ZDBF2: variants seen among roughly 807,000 people sequenced by gnomAD.
ZDBF2 encodes the protein DBF4-type zinc finger-containing protein 2.
A neutral mutation model predicts 9.4 loss-of-function variants in ZDBF2; 6 were observed. That is an observed-to-expected ratio of 0.64 (90% CI 0.35 to 1.27). The LOEUF is 1.27. Ranked by LOEUF, ZDBF2 falls within the 50% of genes most tolerant of loss-of-function variation. ZDBF2 has a pLI of 0.03. For synonymous variants in ZDBF2, 905 were observed against 946.3 expected, an observed-to-expected ratio of 0.96 and a Z score of 0.80; for missense variants, 2,697 against 2,766.8, an observed-to-expected ratio of 0.97 and a Z score of 0.57.
At chr2:206,296,137 G>T (rs1371782168) in intron 3 of ZDBF2, among the ~76,000 whole-genome samples, 1 of 152,160 alleles carries the variant, frequency 6.6e-6, no homozygotes, top group African/African-American at 2.4e-5. Flanking sequence ...GTACTAGTAA[G>T]GTTTGGTGTA....
Position 206,310,301 on chromosome 2 carries a change from A to G in ZDBF2, c.5773A>G (p.Arg1925Gly), listed in dbSNP as rs1036118131. ...ATGCCATCGTCATCCTCCAGCAGAG[A>G]GGCCTCCTAAGCAAAAGGGGCGTGT... ...KPCHRHPPAERPPKQKGRVAS... is the reference protein window; with the variant it reads ...KPCHRHPPAEGPPKQKGRVAS... The change falls in exon 5 of 5, where the codon AGG (arginine) becomes GGG (glycine). Residue 1925 changes from arginine (R) to glycine (G), a missense_variant. By Grantham distance (125) the Arg-to-Gly change is moderately radical. Around this residue, in one of 3 missense-constraint regions of ZDBF2, gnomAD observed 1,783 missense variants for 1,776.5 expected, o/e 1.00. Transcript: ENST00000374423. 1.2e-6 allele frequency: 2 copies of G among 1,613,850 alleles called. No homozygotes were observed. The highest frequency in any genetic ancestry group is 2.2e-5 in the East Asian group (1 of 44,884).
At chr2:206,279,148 T>C (rs1047143582) in intron 1 of ZDBF2, among the ~76,000 whole-genome samples, 2 of 152,258 alleles carry the variant, frequency 1.3e-5, no homozygotes, top group African/African-American at 4.8e-5. Context: ...GAATTGACAG[T>C]ATTTTTCATT....
At position 206,309,558 on chromosome 2, in the gene ZDBF2, C is replaced by A. The variant is rs760415734; in HGVS notation, c.5030C>A (p.Thr1677Asn). The change falls in exon 5 of 5, where the codon ACT (threonine) becomes AAT (asparagine). Residue 1677 changes from threonine (T) to asparagine (N), a missense_variant. Physicochemically the swap from Thr to Asn is moderately conservative, Grantham distance 65. Around this residue, in one of 3 missense-constraint regions of ZDBF2, gnomAD observed 1,783 missense variants for 1,776.5 expected, o/e 1.00. Coordinates refer to ENST00000374423, the MANE Select transcript of ZDBF2 (RefSeq NM_020923.3). ...FNLEDTSHRTTHRLQKAHKEA... is the reference protein window; with the variant it reads ...FNLEDTSHRTNHRLQKAHKEA... The stretch of plus-strand genomic sequence containing the variant: ...TTGGAAGACACTTCTCATCGAACGA[C>A]TCACCGACTGCAGAAAGCTCACAAA... 48 of 1,613,848 alleles carry A rather than the reference C, an allele frequency of 3.0e-5. No individual in the cohort carries two copies. In the East Asian group the frequency reaches 1.0e-3, roughly 34 times the overall value.
Position 206,309,388 on chromosome 2 carries a change from T to G in ZDBF2, c.4860T>G (p.Ser1620=), listed in dbSNP as rs981766024. Reference sequence around the variant, plus strand: ...TTCTGGGAGAGCCAAGTTGTCAATCTTGTGGTTCTGAAATGAATTTTAATG... The same window carrying G: ...TTCTGGGAGAGCCAAGTTGTCAATCGTGTGGTTCTGAAATGAATTTTAATG... ...YIILGEPSCQ[S]CGSEMNFNVD... The change falls in exon 5 of 5, where the codon TCT becomes TCG. Residue 1620 remains serine, a synonymous_variant. Coordinates refer to ENST00000374423, the MANE Select transcript of ZDBF2 (RefSeq NM_020923.3). 9.9e-6 allele frequency: 16 copies of G among 1,613,648 alleles called. No homozygotes were observed. In the African/African-American group the frequency reaches 1.9e-4, roughly 19 times the overall value.
rs367558205 is a variant in ZDBF2, at chr2:206,299,626, C to A, written c.188+2253C>A. Among the ~76,000 whole-genome samples, 54 of 151,552 alleles carry A rather than the reference C, an allele frequency of 3.6e-4. 1 individual carries two copies. The highest frequency in any genetic ancestry group is 1.3e-3 in the African/African-American group (54 of 41,374). On this transcript the variant is annotated intron_variant, in intron 4 of 4. Transcript: ENST00000374423. Reference sequence around the variant, plus strand: ...CCAGCCTGGGTGACAGAGCTAGACTCCTTCTTAAAAAAAGATTTTAAAAAA... The same window carrying A: ...CCAGCCTGGGTGACAGAGCTAGACTACTTCTTAAAAAAAGATTTTAAAAAA...
chr2:206,275,912 C>T (rs2105887457), intron 1 of ZDBF2, among the ~76,000 whole-genome samples: 1 of 152,206 alleles, frequency 6.6e-6, no homozygotes, highest in South Asian at 2.1e-4. Flanking sequence ...GCCTAGAAGG[C>T]AAGAAAGCAA....
rs774392609 is a variant in ZDBF2 at position 206,305,864 on chromosome 2, T to G, written c.1336T>G (p.Tyr446Asp). 6.2e-7 allele frequency: 1 copy of G among 1,613,006 alleles called. No homozygotes were observed. Among genetic ancestry groups the G allele is most frequent in the Non-Finnish European group, 8.5e-7 (1 of 1,179,456 alleles). The change falls in exon 5 of 5, where the codon TAT becomes GAT. Residue 446 changes from tyrosine (Y) to aspartate (D), a missense_variant. Tyr to Asp is a radical substitution (Grantham distance 160). Around this residue, in one of 3 missense-constraint regions of ZDBF2, gnomAD observed 910 missense variants for 973.6 expected, o/e 0.93. Transcript: ENST00000374423. ...TGTACAGTATAAGAATAATAAATCT[T>G]ATGTTTCTAAAATAAGTTCTGATTG... ...TDVQYKNNKS[Y>D]VSKISSDCDD...
chr2:206,310,409 A>C lies in ZDBF2; in HGVS notation c.5881A>C (p.Ile1961Leu), dbSNP rs772131557. ...TTACCCAGTGATGAAAAGAAAAATA[A>C]TTAGACAAGAGGAAGACCCACCAAA... ...KNYPVMKRKI[I>L]RQEEDPPKSK... is the part of the protein sequence containing the mutation. Residue 1961 changes from isoleucine (I) to leucine (L), a missense_variant, in exon 5 of 5, where the codon ATT (isoleucine) becomes CTT (leucine). Ile to Leu is a conservative substitution (Grantham distance 5). Transcript: ENST00000374423. 6.2e-7 allele frequency: 1 copy of C among 1,613,872 alleles called. No homozygotes were observed. Among genetic ancestry groups the C allele is most frequent in the Non-Finnish European group, 8.5e-7 (1 of 1,179,890 alleles).
intron 3 of ZDBF2, among the ~76,000 whole-genome samples, chr2:206,283,975 T>C (rs1227068657): frequency 6.6e-6 from 1 of 152,244 alleles, no homozygotes; most frequent in Non-Finnish European, 1.5e-5. Flanking sequence ...CTTTTTACTT[T>C]CATGATGCTA....
At chr2:206,303,876 T>C (rs910554431) in intron 4 of ZDBF2, among the ~76,000 whole-genome samples, 4 of 152,202 alleles carry the variant, frequency 2.6e-5, no homozygotes, top group African/African-American at 9.7e-5. Flanking sequence ...TTTGTATATA[T>C]AGAGCCGCTT....
At chr2:206,275,701 C>T (rs1227399951) in intron 1 of ZDBF2, among the ~76,000 whole-genome samples, 1 of 152,014 alleles carries the variant, frequency 6.6e-6, no homozygotes, top group Non-Finnish European at 1.5e-5. Context: ...CAGCAATATG[C>T]TACGTGTGGG....
intron 3 of ZDBF2, among the ~76,000 whole-genome samples, chr2:206,289,436 C>T (rs1385449106): frequency 6.6e-6 from 1 of 151,846 alleles, no homozygotes; most frequent in African/African-American, 2.4e-5. Context: ...CACTTCAGCT[C>T]CAGCCTGATG....
rs527726026 is a variant in ZDBF2, at chr2:206,284,620, G to C, written c.60+2711G>C. ...ATTTCTCTTCCCTGACTTCTTCCCAGCTTCTAGTAATCAGCATTCTATTCT... is the reference window on the plus strand; with the variant it reads ...ATTTCTCTTCCCTGACTTCTTCCCACCTTCTAGTAATCAGCATTCTATTCT... On this transcript the variant is annotated intron_variant, in intron 3 of 4. Coordinates refer to ENST00000374423, the MANE Select transcript of ZDBF2 (RefSeq NM_020923.3). 2.6e-5 allele frequency among the ~76,000 whole-genome samples: 4 copies of C among 152,222 alleles called. No homozygotes were observed. In the East Asian group the frequency reaches 7.7e-4, roughly 29 times the overall value.
intron 4 of ZDBF2, among the ~76,000 whole-genome samples, chr2:206,301,092 A>G (rs563369321): frequency 6.6e-6 from 1 of 152,174 alleles, no homozygotes; most frequent in African/African-American, 2.4e-5. Flanking sequence ...ATAATCCCAT[A>G]TTATCTATTT....
At chr2:206,275,310 G>A (rs550363993) in intron 1 of ZDBF2, among the ~76,000 whole-genome samples, 3 of 152,314 alleles carry the variant, frequency 2.0e-5, no homozygotes, top group African/African-American at 7.2e-5. Flanking sequence ...AACCCGCGGA[G>A]TCTTGCCCCT....
rs749454955 is a variant in ZDBF2, at chr2:206,311,405, C to T, written c.6877C>T (p.Arg2293Ter). ...CGCTATGGCAAATCCTCCTCCAAAG[C>T]GACCTGTGCGGGCTTCTTGCCGCGT... The part of the protein sequence containing the change: ...SSAMANPPPK[R>*]PVRASCRVAR... The change falls in exon 5 of 5, where the codon CGA becomes TGA. Residue 2293 changes from arginine (R) to a stop codon, truncating the protein, a stop_gained. Transcript: ENST00000374423. LOFTEE classifies it low-confidence loss of function (END_TRUNC). The T allele has an allele frequency of 1.9e-6, 3 of 1,607,718 alleles. No homozygotes were observed. Among genetic ancestry groups the T allele is most frequent in the African/African-American group, 1.3e-5 (1 of 74,632 alleles).
chr2:206,297,439 G>T (rs1015254733), intron 4 of ZDBF2, 66 bp downstream of exon 4: 47 of 1,375,598 alleles, frequency 3.4e-5, no homozygotes, highest in Admixed American at 1.6e-4. Flanking sequence ...TTGTGTTCAT[G>T]TCCCAATCAA....
chr2:206,277,441 A>G (rs1207165261), intron 1 of ZDBF2, among the ~76,000 whole-genome samples: 2 of 122,990 alleles, frequency 1.6e-5, no homozygotes, highest in African/African-American at 2.7e-5. Flanking sequence ...TAAATGTTAC[A>G]TAAATGAATG....
Position 206,308,773 on chromosome 2 carries a change from T to C in ZDBF2, c.4245T>C (p.His1415=), listed in dbSNP as rs1465688027. 8.7e-6 allele frequency: 14 copies of C among 1,613,720 alleles called. No homozygotes were observed. The highest frequency in any genetic ancestry group is 1.2e-5 in the Non-Finnish European group (14 of 1,179,842). The change falls in exon 5 of 5, where the codon CAT becomes CAC. Residue 1415 remains histidine, a synonymous_variant. Transcript: ENST00000374423. ...LGDFDVSYAS[H]IPVQFVTDQS... ...ATTTTGATGTAAGTTATGCTTCTCATATTCCTGTTCAGTTTGTGACTGATC... is the reference window on the plus strand; with the variant it reads ...ATTTTGATGTAAGTTATGCTTCTCACATTCCTGTTCAGTTTGTGACTGATC...
Sources: allele counts gnomAD v4.1 joint callset (sites outside exome capture counted in the v4.1 genomes callset), GRCh38; gene constraint gnomAD v4.1.1; regional missense constraint gnomAD v4.1.1; transcripts MANE v1.5; gene names NCBI Gene and HGNC (gene_info 2026-07-23, HGNC 2026-07-21).